The following MUS81 variants were observed in gnomAD, a reference collection of about 807,000 sequenced individuals.
The protein encoded by MUS81 is structure-specific endonuclease subunit MUS81.
MUS81 carries 69 observed loss-of-function variants against 74.2 expected under a neutral mutation model. The ratio of observed to expected loss-of-function variants is 0.93; its 90% CI spans 0.77 to 1.14. The LOEUF is 1.14. Ranked by LOEUF, MUS81 falls within the 50% of genes most tolerant of loss-of-function variation. MUS81 has a pLI of 0.00. For missense variants in MUS81, 711 were observed against 726.5 expected, an observed-to-expected ratio of 0.98 and a Z score of 0.25; for synonymous variants, 303 against 300.6, an observed-to-expected ratio of 1.01 and a Z score of -0.08.
rs775330507 is a variant in MUS81, at chr11:65,860,957, A to G, written c.136-16A>G. ...CAGGCCTGCCCTGACCAGGTACCCT[A>G]CCCCTGCCCGGCCAGGCGCTGCGTT... On this transcript the variant is annotated splice_polypyrimidine_tract_variant and intron_variant, in intron 1 of 15. Coordinates refer to ENST00000308110, the MANE Select transcript of MUS81 (RefSeq NM_025128.5). 5.0e-6 allele frequency: 8 copies of G among 1,610,550 alleles called. No homozygotes were observed. In the East Asian group the frequency reaches 1.6e-4, roughly 31 times the overall value.
Position 65,860,452 on chromosome 11 carries a change from A to G in MUS81, c.-302A>G, listed in dbSNP as rs1021950184. Reference sequence around the variant, plus strand: ...TGGGGTGACAGGAAGGAGCCGGTCCAGGCTCCGGGGGCTGGGAAAGGGCGC... The same window carrying G: ...TGGGGTGACAGGAAGGAGCCGGTCCGGGCTCCGGGGGCTGGGAAAGGGCGC... On this transcript the variant is annotated 5_prime_UTR_variant, in exon 1 of 16. Transcript: ENST00000308110. The G allele has an allele frequency of 1.5e-5, 8 of 526,822 alleles. No homozygotes were observed. The highest frequency in any genetic ancestry group is 3.6e-5 in the East Asian group (1 of 28,168). The allele number at this position is 526,822 out of a possible 1,614,324, so 32.6% of individuals were successfully genotyped here. A position where few individuals can be genotyped will look rare whatever the true frequency, so the allele number is the denominator to read the frequency against.
rs1859792350 is a variant in MUS81, at chr11:65,865,417, G to A, written c.1505+94G>A. ...TGCTTCGTGGAGGGGGCCTGGCCTT[G>A]TGTGGGCTCTGCAGACCAGAGATAG... On this transcript the variant is annotated intron_variant, in intron 14 of 15. Coordinates refer to ENST00000308110, the MANE Select transcript of MUS81 (RefSeq NM_025128.5). 2.3e-6 allele frequency: 3 copies of A among 1,290,008 alleles called. No individual in the cohort carries two copies. In the African/African-American group the frequency reaches 4.4e-5, roughly 19 times the overall value. The allele number at this position is 1,290,008 out of a possible 1,614,324, so 79.9% of individuals were successfully genotyped here.
chr11:65,861,812 A>C, intron 3 of MUS81, 135 bp from the exon 4 acceptor site: 1 of 718,138 alleles, frequency 1.4e-6, no homozygotes, highest in Non-Finnish European at 2.3e-6. Flanking sequence ...GGATCATCCC[A>C]TCACCTGGCC....
At chr11:65,867,242 C>G, downstream of MUS81, 3 of 741,170 alleles carry the variant, frequency 4.0e-6, no homozygotes, top group South Asian at 5.2e-5. Flanking sequence ...CTCGATGTCT[C>G]TCCTCCCCAC....
In MUS81 at chr11:65,865,303, T is replaced by C; in HGVS notation, c.1485T>C (p.Asp495=). Reference sequence around the variant, plus strand: ...GGGAGAAGGCAGCAGCCCTGGTGGATCGATACAGCACCCCTGCCAGGTAGG... The same window carrying C: ...GGGAGAAGGCAGCAGCCCTGGTGGACCGATACAGCACCCCTGCCAGGTAGG... The part of the protein sequence containing the change: ...VSGEKAAALV[D]RYSTPASLLA... The change falls in exon 14 of 16, where the codon GAT becomes GAC. Residue 495 remains aspartate, a synonymous_variant. Transcript: ENST00000308110. 2 of 1,613,924 alleles carry C rather than the reference T, an allele frequency of 1.2e-6. No individual in the cohort carries two copies. The highest frequency in any genetic ancestry group is 2.2e-5 in the South Asian group (2 of 91,060).
Position 65,863,396 on chromosome 11 carries a change from C to T in MUS81, c.747-14C>T, listed in dbSNP as rs1859688341. On this transcript the variant is annotated splice_polypyrimidine_tract_variant and intron_variant, in intron 7 of 15. Transcript: ENST00000308110. ...AAGGGGTTCTGGCCTCACATACCAA[C>T]ACCCCCCACTTAGTGCCAGTGAAGC... 1.2e-6 allele frequency: 2 copies of T among 1,613,774 alleles called. No individual in the cohort carries two copies. The highest frequency in any genetic ancestry group is 3.3e-5 in the Admixed American group (2 of 59,992).
At position 65,860,448 on chromosome 11, in the gene MUS81, G is replaced by A; in HGVS notation, c.-306G>A. 3.8e-6 allele frequency: 2 copies of A among 526,916 alleles called. No individual in the cohort carries two copies. Among genetic ancestry groups the A allele is most frequent in the African/African-American group, 1.9e-5 (1 of 52,446 alleles). The allele number at this position is 526,916 out of a possible 1,614,324, so 32.6% of individuals were successfully genotyped here. On this transcript the variant is annotated 5_prime_UTR_variant, in exon 1 of 16. Transcript: ENST00000308110. Reference sequence around the variant, plus strand: ...AATCTGGGGTGACAGGAAGGAGCCGGTCCAGGCTCCGGGGGCTGGGAAAGG... The same window carrying A: ...AATCTGGGGTGACAGGAAGGAGCCGATCCAGGCTCCGGGGGCTGGGAAAGG...
chr11:65,860,154 G>C (rs1032828125), upstream of MUS81: 3 of 431,738 alleles, frequency 6.9e-6, no homozygotes, highest in African/African-American at 6.0e-5. Flanking sequence ...CCTTACCTTT[G>C]TGTCCTCATC....
rs1178348924 is a variant in MUS81, at chr11:65,863,591, C to T, written c.840-9C>T. The T allele has an allele frequency of 6.2e-7, 1 of 1,613,994 alleles. No homozygotes were observed. The highest frequency in any genetic ancestry group is 1.1e-5 in the South Asian group (1 of 91,068). ...GCTCTGATCTAGGCTTCCCTCCTTG[C>T]CACTCCAGGGGCGGGCACAGGCCGG... On this transcript the variant is annotated splice_polypyrimidine_tract_variant and intron_variant, in intron 8 of 15. Coordinates refer to ENST00000308110, the MANE Select transcript of MUS81 (RefSeq NM_025128.5).
At chr11:65,860,404 C>A, upstream of MUS81, 1 of 497,430 alleles carries the variant, frequency 2.0e-6, no homozygotes, top group Non-Finnish European at 3.9e-6. Flanking sequence ...CTCTCGCCTA[C>A]ACAAAGACCC....
intron 5 of MUS81, 75 bp downstream of exon 5, chr11:65,862,354 G>C (rs1859640235): frequency 1.3e-6 from 2 of 1,587,194 alleles, no homozygotes; most frequent in African/African-American, 2.7e-5. Context: ...CTTGCAGTGG[G>C]CCCATGTGTG....
At chr11:65,862,806 G>A (rs1429440570) in intron 6 of MUS81, among the ~76,000 whole-genome samples, 2 of 152,238 alleles carry the variant, frequency 1.3e-5, no homozygotes, top group African/African-American at 4.8e-5. Context: ...TAAGTATTCC[G>A]AGGAGGAGGA....
At chr11:65,864,685 G>A (rs746743227) in intron 11 of MUS81, 35 bp from the exon 12 acceptor site, 1 of 1,613,440 alleles carries the variant, frequency 6.2e-7, no homozygotes, top group South Asian at 1.1e-5. Flanking sequence ...TCTAGGCCAG[G>A]AGCCACCTTC....
At chr11:65,864,232 C>T in intron 10 of MUS81, 2 of 586,244 alleles carry the variant, frequency 3.4e-6, no homozygotes, top group Non-Finnish European at 6.1e-6. Context: ...TGGGTGGACC[C>T]CTAGTCACAG....
rs760208146 is a variant in MUS81 at position 65,865,069 on chromosome 11, G to C, written c.1325G>C (p.Gly442Ala). ...GGAACCCCTGGGAACCCTGAATCAG[G>C]GGCCATGACCTCTCCAAACCCTCTC... ...PWGTPGNPES[G>A]AMTSPNPLCS... Residue 442 changes from glycine to alanine, a missense_variant, in exon 13 of 16, where the codon GGG becomes GCG. Physicochemically the swap from Gly to Ala is moderately conservative, Grantham distance 60 (BLOSUM62 0). Transcript: ENST00000308110. 2 of 1,614,072 alleles carry C rather than the reference G, an allele frequency of 1.2e-6. No homozygotes were observed. The highest frequency in any genetic ancestry group is 1.7e-6 in the Non-Finnish European group (2 of 1,180,020).
chr11:65,864,145 G>T (rs1565268306), intron 10 of MUS81: 1 of 596,332 alleles, frequency 1.7e-6, no homozygotes. Flanking sequence ...TGGGTACCCA[G>T]CCCCTGCAGT....
In MUS81 at chr11:65,864,171, C is replaced by T. The variant is rs116908055; in HGVS notation, c.1059+270C>T. ...CCCCTGCAGTCTTGGATAAACAAGGCATAAACCTCCAGGAGTGGAAATACA... is the reference window on the plus strand; with the variant it reads ...CCCCTGCAGTCTTGGATAAACAAGGTATAAACCTCCAGGAGTGGAAATACA... On this transcript the variant is annotated intron_variant, in intron 10 of 15. Coordinates refer to ENST00000308110, the MANE Select transcript of MUS81 (RefSeq NM_025128.5). The T allele has an allele frequency of 0.023, 13,666 of 587,950 alleles. 223 individuals carry two copies. The highest frequency in any genetic ancestry group is 0.029 in the Non-Finnish European group (9,538 of 329,170). 36.4% of individuals were successfully genotyped at this position (587,950 alleles called of 1,614,324 possible).
chr11:65,864,032 T>C, intron 10 of MUS81, 131 bp downstream of exon 10: 2 of 881,624 alleles, frequency 2.3e-6, no homozygotes, highest in South Asian at 3.0e-5. Flanking sequence ...ACCCACCCTG[T>C]GGCTGCTCCA....
At chr11:65,862,153 C>T (rs765362236) in intron 4 of MUS81, 58 bp from the exon 5 acceptor site, 32 of 1,591,740 alleles carry the variant, frequency 2.0e-5, no homozygotes, top group East Asian at 8.9e-5. Context: ...GCCACCTGAG[C>T]GGGATGAGGA....
Sources: allele counts gnomAD v4.1 joint callset (sites outside exome capture counted in the v4.1 genomes callset), GRCh38; gene constraint gnomAD v4.1.1; transcripts MANE v1.5; gene names NCBI Gene and HGNC (gene_info 2026-07-23, HGNC 2026-07-21).